PAX2: variants seen among roughly 807,000 people sequenced by gnomAD.
PAX2 encodes the protein paired box protein Pax-2.
PAX2 carries 9 observed loss-of-function variants against 41.7 expected under a neutral mutation model. The observed-to-expected ratio is 0.22, with a 90% CI of 0.13 to 0.38. The LOEUF (loss-of-function observed/expected upper bound fraction) is 0.38. Ranked by LOEUF, PAX2 falls within the 10% of genes least tolerant of loss-of-function variation. The probability of loss-of-function intolerance (pLI) is 1.00; values close to 1 mark genes in which losing one functional copy is unlikely to be tolerated. For synonymous variants in PAX2, 221 were observed against 212.7 expected (o/e 1.04, Z -0.34); for missense variants, 418 against 531.6 (o/e 0.79, Z 2.10).
intron 6 of PAX2, 139 bp from the exon 7 acceptor site, chr10:100,808,971 C>A: frequency 1.2e-6 from 1 of 802,646 alleles, no homozygotes; most frequent in Non-Finnish European, 2.2e-6. Flanking sequence ...CCACCAAGCC[C>A]CCGCATCTCC....
At position 100,748,215 on chromosome 10, in the gene PAX2, C is replaced by A. The variant is rs1397036911; in HGVS notation, c.44-1531C>A. 3 of 985,176 alleles carry A rather than the reference C, an allele frequency of 3.0e-6. No individual in the cohort carries two copies. Among genetic ancestry groups the A allele is most frequent in the Non-Finnish European group, 3.6e-6 (3 of 829,894 alleles). 61.0% of individuals were successfully genotyped at this position (985,176 alleles called of 1,614,324 possible). On this transcript the variant is annotated intron_variant, in intron 1 of 9. Transcript: ENST00000355243. The surrounding 1 kb of genome is among the most constrained non-coding windows in gnomAD (Gnocchi z 5.0). ...GAATTATTCATCTTTAATCTGCCCG[C>A]AGCTGCCGCCTTTTCATACCGGTAA... is the stretch of plus-strand genomic sequence containing the variant.
At chr10:100,784,936 G>T (rs1158984577) in intron 5 of PAX2, among the ~76,000 whole-genome samples, 1 of 152,174 alleles carries the variant, frequency 6.6e-6, no homozygotes, top group African/African-American at 2.4e-5. Flanking sequence ...CATCCCAAGA[G>T]CCCAGGAGCT....
intron 5 of PAX2, among the ~76,000 whole-genome samples, chr10:100,805,345 A>G (rs1363434028): frequency 1.3e-5 from 2 of 152,204 alleles, no homozygotes; most frequent in East Asian, 1.9e-4. Context: ...GGCCTCCGGC[A>G]TGGGCTGGCC....
chr10:100,770,996 C>T (rs1438683792), intron 3 of PAX2, among the ~76,000 whole-genome samples: 1 of 152,190 alleles, frequency 6.6e-6, no homozygotes, highest in Admixed American at 6.5e-5. Flanking sequence ...TTAAGCTAGT[C>T]TTCTCAAATA....
chr10:100,736,136 G>A (rs1209758813), intron 1 of PAX2, among the ~76,000 whole-genome samples: 2 of 152,186 alleles, frequency 1.3e-5, no homozygotes, highest in Non-Finnish European at 2.9e-5. Context: ...ATGCCAGTGG[G>A]TGGGGAAACT....
At position 100,794,481 on chromosome 10, in the gene PAX2, C is replaced by T. The variant is rs183252170; in HGVS notation, c.617-11949C>T. On this transcript the variant is annotated intron_variant, in intron 5 of 9. Coordinates refer to ENST00000355243, the MANE Select transcript of PAX2 (RefSeq NM_000278.5). ...CCCTCCCTCCCTTTCATCCACTCCA[C>T]CTTATTTACTGAGCTCTTGGCAAAT... is the stretch of plus-strand genomic sequence containing the variant. Among the ~76,000 whole-genome samples the T allele has an allele frequency of 3.3e-3, 510 of 152,308 alleles. 10 individuals are homozygous for T. Among genetic ancestry groups the T allele is most frequent in the Non-Finnish European group, 2.5e-3 (167 of 68,022 alleles).
At chr10:100,803,312 G>A (rs559215687) in intron 5 of PAX2, among the ~76,000 whole-genome samples, 1 of 151,824 alleles carries the variant, frequency 6.6e-6, no homozygotes, top group Admixed American at 6.6e-5. Flanking sequence ...ACGCCTCTGG[G>A]CTTCCTCCTT....
At chr10:100,782,940 G>T (rs1004497171) in intron 5 of PAX2, among the ~76,000 whole-genome samples, 1 of 152,234 alleles carries the variant, frequency 6.6e-6, no homozygotes, top group African/African-American at 2.4e-5. Context: ...GTTTTTTAGG[G>T]GTGAGAGGCC....
intron 3 of PAX2, among the ~76,000 whole-genome samples, chr10:100,771,901 G>C (rs904321299): frequency 6.6e-6 from 1 of 151,048 alleles, no homozygotes; most frequent in Admixed American, 6.6e-5. Context: ...TTCACCTCCC[G>C]CGTTCAAGCA....
intron 5 of PAX2, among the ~76,000 whole-genome samples, chr10:100,801,867 C>T (rs867902233): frequency 6.6e-6 from 1 of 152,256 alleles, no homozygotes; most frequent in Non-Finnish European, 1.5e-5. Flanking sequence ...ATCTGGCTGT[C>T]ATTTACTAGC....
Position 100,817,820 on chromosome 10 carries a change from A to G in PAX2, c.920-6828A>G, listed in dbSNP as rs73347679. ...GATTTGGAAGCTTGGGAAATAAGAAATGAAAGGAAATATGTAGATAGTTAT... is the reference window on the plus strand; with the variant it reads ...GATTTGGAAGCTTGGGAAATAAGAAGTGAAAGGAAATATGTAGATAGTTAT... On this transcript the variant is annotated intron_variant, in intron 7 of 9. Transcript: ENST00000355243. 3.1e-3 allele frequency among the ~76,000 whole-genome samples: 472 copies of G among 152,346 alleles called. 4 individuals carry two copies. The highest frequency in any genetic ancestry group is 0.011 in the African/African-American group (453 of 41,580).
Position 100,806,618 on chromosome 10 carries a change from C to A in PAX2, c.792+13C>A. On this transcript the variant is annotated intron_variant, in intron 6 of 9. Transcript: ENST00000355243. Reference sequence around the variant, plus strand: ...CAAATCAGAACAGGTGAGGAGGGAGCTTTCTGCTTGCAGAAGTAGAAAGGA... The same window carrying A: ...CAAATCAGAACAGGTGAGGAGGGAGATTTCTGCTTGCAGAAGTAGAAAGGA... 1 of 1,612,356 alleles carries A rather than the reference C, an allele frequency of 6.2e-7. No individual in the cohort carries two copies. The highest frequency in any genetic ancestry group is 2.2e-5 in the East Asian group (1 of 44,872).
intron 7 of PAX2, among the ~76,000 whole-genome samples, chr10:100,822,427 A>G (rs1292362120): frequency 1.3e-5 from 2 of 152,312 alleles, no homozygotes; most frequent in East Asian, 1.9e-4. Flanking sequence ...ATGATAACCC[A>G]TCAGGAATTG....
At chr10:100,751,440 C>G (rs929418687) in intron 3 of PAX2, among the ~76,000 whole-genome samples, 1 of 152,220 alleles carries the variant, frequency 6.6e-6, no homozygotes, top group African/African-American at 2.4e-5. Flanking sequence ...TGCCAACCAC[C>G]AGCCAGCAAC....
Position 100,779,570 on chromosome 10 carries a change from T to G in PAX2, c.483T>G (p.Pro161=). 1 of 1,588,556 alleles carries G rather than the reference T, an allele frequency of 6.3e-7. No homozygotes were observed. The highest frequency in any genetic ancestry group is 8.6e-7 in the Non-Finnish European group (1 of 1,167,248). ...PDGAGTGVTA[P]GHTIVPSTAS... ...GGGCTGGGACAGGAGTGACCGCCCC[T>G]GGCCACACCATTGGTAAGAGGGCTC... Residue 161 remains proline (P), a synonymous_variant, in exon 4 of 10, where the codon CCT becomes CCG. Transcript: ENST00000355243.
At chr10:100,771,370 A>G (rs148553858) in intron 3 of PAX2, among the ~76,000 whole-genome samples, 184 of 152,306 alleles carry the variant, frequency 1.2e-3, no homozygotes, top group African/African-American at 4.2e-3. Context: ...TGCAGGGCAT[A>G]TGAGTGAGCA....
chr10:100,817,049 C>T (rs140052492), intron 7 of PAX2, among the ~76,000 whole-genome samples: 3 of 152,294 alleles, frequency 2.0e-5, no homozygotes, highest in African/African-American at 7.2e-5. Context: ...ACTCTGCAAA[C>T]AGGCTTAACC....
intron 5 of PAX2, among the ~76,000 whole-genome samples, chr10:100,792,799 G>T (rs1231603727): frequency 6.7e-6 from 1 of 150,362 alleles, no homozygotes; most frequent in Non-Finnish European, 1.5e-5. Context: ...GTCAGGCAAA[G>T]CCTTGCTACA....
intron 1 of PAX2, among the ~76,000 whole-genome samples, chr10:100,737,671 T>C (rs1396791505): frequency 6.6e-6 from 1 of 152,128 alleles, no homozygotes; most frequent in Non-Finnish European, 1.5e-5. Context: ...CCTTTGCCTC[T>C]TTCTCTTTTC....
Sources: gnomAD v4.1 joint callset for allele counts (sites outside exome capture counted in the v4.1 genomes callset) on GRCh38, gnomAD v4.1.1 for gene constraint, Gnocchi (gnomAD v3.1) non-coding constraint, MANE v1.5 for transcripts, NCBI Gene and HGNC (gene_info 2026-07-23, HGNC 2026-07-21) for gene names.